The following CLDN14 variants were observed in gnomAD, a reference collection of about 807,000 sequenced individuals.
CLDN14 encodes claudin 14, also known as claudin-14.
A neutral mutation model predicts 2.1 loss-of-function variants in CLDN14; 2 were observed. That is an observed-to-expected ratio of 0.96 (90% confidence interval 0.39 to 3.01). The LOEUF is 3.01. Ranked by LOEUF, CLDN14 falls within the 30% of genes most tolerant of loss-of-function variation. CLDN14 has a pLI of 0.09. For missense variants in CLDN14, 298 were observed against 328.0 expected (o/e 0.91, Z 0.71); for synonymous variants, 136 against 154.4 (o/e 0.88, Z 0.88).
intron 1 of CLDN14, among the ~76,000 whole-genome samples, chr21:36,576,115 T>C (rs2087739680): frequency 6.6e-6 from 1 of 152,196 alleles, no homozygotes; most frequent in Non-Finnish European, 1.5e-5. Flanking sequence ...GAAGTATGTT[T>C]TGCTGACATT....
intron 2 of CLDN14, chr21:36,510,216 C>T (rs923864653): frequency 3.3e-5 from 5 of 152,256 alleles, no homozygotes; most frequent in Non-Finnish European, 7.3e-5. Flanking sequence ...GGCAGCTGCC[C>T]TCAGAGGCAG....
At chr21:36,534,573 A>C (rs1306243120) in intron 1 of CLDN14, among the ~76,000 whole-genome samples, 1 of 152,208 alleles carries the variant, frequency 6.6e-6, no homozygotes, top group African/African-American at 2.4e-5. Context: ...GCGGGCAATA[A>C]GGAGAGGCTG....
Position 36,497,704 on chromosome 21 carries a change from G to A in CLDN14, c.-82+12659C>T, listed in dbSNP as rs925996628. On this transcript the variant is annotated intron_variant, in intron 2 of 2. Coordinates refer to the CLDN14 transcript ENST00000342108. ...GCCGTTTAGCCAAGACACCTTTCCC[G>A]TCCACAGATCACATCTGCCCCCTTC... Among the ~76,000 whole-genome samples, 9 of 152,008 alleles carry A rather than the reference G, an allele frequency of 5.9e-5. 1 individual carries two copies. Among genetic ancestry groups the A allele is most frequent in the South Asian group, 4.1e-4 (2 of 4,820 alleles).
chr21:36,536,235 T>G (rs2087422967), intron 1 of CLDN14, among the ~76,000 whole-genome samples: 1 of 152,192 alleles, frequency 6.6e-6, no homozygotes, highest in African/African-American at 2.4e-5. Flanking sequence ...GACATCTGCC[T>G]GTACCTGAGG....
intron 1 of CLDN14, among the ~76,000 whole-genome samples, chr21:36,540,031 TGTG>T (rs751050292): frequency 1.7e-4 from 25 of 149,056 alleles, no homozygotes; most frequent in Admixed American, 4.7e-4. Flanking sequence ...ATGTGTATGG[TGTG>T]GTGTGTGTGT....
upstream of CLDN14, among the ~76,000 whole-genome samples, chr21:36,482,201 G>C (rs1209997031): frequency 6.6e-6 from 1 of 152,164 alleles, no homozygotes; most frequent in East Asian, 1.9e-4. Flanking sequence ...GCCAATCAGG[G>C]GTAAGTGAGG....
At chr21:36,556,428 G>T (rs538826394) in intron 1 of CLDN14, among the ~76,000 whole-genome samples, 1 of 152,158 alleles carries the variant, frequency 6.6e-6, no homozygotes, top group South Asian at 2.1e-4. Flanking sequence ...GCCCTTTTTT[G>T]GGATCTCTTT....
chr21:36,465,198 G>A (rs553689498), intron 1 of CLDN14, among the ~76,000 whole-genome samples: 2 of 152,262 alleles, frequency 1.3e-5, no homozygotes, highest in Non-Finnish European at 2.9e-5. Context: ...GGCCACACAG[G>A]GTGTCCCTGG....
intron 1 of CLDN14, among the ~76,000 whole-genome samples, chr21:36,558,787 G>A (rs1037968263): frequency 6.6e-6 from 1 of 151,026 alleles, no homozygotes; most frequent in African/African-American, 2.4e-5. Context: ...AATTGTGAGG[G>A]TTTTCTACAT....
At chr21:36,512,467 A>G (rs1277168866) in intron 1 of CLDN14, among the ~76,000 whole-genome samples, 1 of 152,216 alleles carries the variant, frequency 6.6e-6, no homozygotes, top group African/African-American at 2.4e-5. Context: ...TGCTCTCAGG[A>G]TGTTTATAAT....
chr21:36,554,720 A>T (rs1392812246), intron 1 of CLDN14, among the ~76,000 whole-genome samples: 2 of 152,092 alleles, frequency 1.3e-5, no homozygotes, highest in Non-Finnish European at 2.9e-5. Flanking sequence ...TAGATGTCTT[A>T]CCGCCCCACC....
chr21:36,481,987 G>A (rs1490068675), upstream of CLDN14, among the ~76,000 whole-genome samples: 1 of 152,114 alleles, frequency 6.6e-6, no homozygotes, highest in African/African-American at 2.4e-5. Flanking sequence ...GGCTGGTCCC[G>A]AGTCTCCAGC....
chr21:36,493,631 A>AG (rs1215370601), intron 2 of CLDN14, among the ~76,000 whole-genome samples: 2 of 152,088 alleles, frequency 1.3e-5, no homozygotes, highest in Non-Finnish European at 2.9e-5. Flanking sequence ...AAGGCGAGGA[A>AG]GGGAAGCCTA....
chr21:36,555,545 G>A (rs892346172), intron 1 of CLDN14, among the ~76,000 whole-genome samples: 3 of 152,190 alleles, frequency 2.0e-5, no homozygotes, highest in South Asian at 2.1e-4. Context: ...AGGAGCCCAC[G>A]GGGCTTTGCT....
At chr21:36,508,445 T>C (rs1001636892) in intron 2 of CLDN14, among the ~76,000 whole-genome samples, 1 of 152,124 alleles carries the variant, frequency 6.6e-6, no homozygotes, top group African/African-American at 2.4e-5. Flanking sequence ...CTGGGAGAGA[T>C]GACCAAGGGG....
At chr21:36,525,478 G>A (rs1601623825) in intron 1 of CLDN14, among the ~76,000 whole-genome samples, 1 of 152,154 alleles carries the variant, frequency 6.6e-6, no homozygotes, top group East Asian at 1.9e-4. Flanking sequence ...GGTCAGAGAG[G>A]GGATGATGAT....
At chr21:36,558,301 T>C (rs572097808) in intron 1 of CLDN14, among the ~76,000 whole-genome samples, 1 of 152,348 alleles carries the variant, frequency 6.6e-6, no homozygotes, top group East Asian at 1.9e-4. Flanking sequence ...TTTAGGATTT[T>C]TTTTCTGTTT....
rs184583821 is a variant in CLDN14 at position 36,475,884 on chromosome 21, C to T, written c.-82+3611G>A. 2.0e-3 allele frequency among the ~76,000 whole-genome samples: 297 copies of T among 152,208 alleles called. 2 individuals are homozygous for T. The highest frequency in any genetic ancestry group is 3.1e-3 in the Non-Finnish European group (211 of 68,016). ...GAGACGGGGTTTCACTCCGTCTAGG[C>T]TGGTCTCAAACTCCCGACTTCAAAT... On this transcript the variant is annotated intron_variant, in intron 1 of 1. Transcript: ENST00000399135.
At chr21:36,532,837 C>G (rs989324163) in intron 1 of CLDN14, among the ~76,000 whole-genome samples, 5 of 152,112 alleles carry the variant, frequency 3.3e-5, no homozygotes, top group African/African-American at 1.2e-4. Flanking sequence ...CCCCTGACCC[C>G]CCATCCCTTT....
Sources: gnomAD v4.1 joint callset for allele counts (sites outside exome capture counted in the v4.1 genomes callset) on GRCh38, gnomAD v4.1.1 for gene constraint, MANE v1.5 for transcripts, NCBI Gene and HGNC (gene_info 2026-07-23, HGNC 2026-07-21) for gene names.